The following PRDM5 variants were observed in gnomAD, a reference collection of about 807,000 sequenced individuals.
The protein encoded by PRDM5 is PR domain zinc finger protein 5.
A neutral mutation model predicts 81.2 loss-of-function variants in PRDM5; 56 were observed. The ratio of observed to expected loss-of-function variants is 0.69; its 90% CI spans 0.56 to 0.86. The LOEUF (loss-of-function observed/expected upper bound fraction) is 0.86, where lower values mean the gene tolerates loss of function less well. Among genes scored for constraint, PRDM5 ranks in the 40% least tolerant of loss-of-function variants. The probability of loss-of-function intolerance (pLI) is 0.00; values close to 1 mark genes in which losing one functional copy is unlikely to be tolerated. For synonymous variants in PRDM5, 267 were observed against 256.4 expected (o/e 1.04, Z -0.39); for missense variants, 697 against 770.1 (o/e 0.91, Z 1.12).
chr4:120,867,657 T>G (rs1761340113), intron 2 of PRDM5, among the ~76,000 whole-genome samples: 1 of 152,222 alleles, frequency 6.6e-6, no homozygotes, highest in African/African-American at 2.4e-5. Context: ...GCTCAAAAGG[T>G]ATTATGTAAC....
intron 2 of PRDM5, among the ~76,000 whole-genome samples, chr4:120,904,189 C>CAAAAAAA (rs1170050475): frequency 0.025 from 1,081 of 42,562 alleles, 385 homozygotes; most frequent in South Asian, 0.06. Context: ...GACTCCTTCT[C>CAAAAAAA]AAAAAAAAAA....
intron 7 of PRDM5, among the ~76,000 whole-genome samples, chr4:120,811,754 T>C (rs547544248): frequency 3.9e-5 from 6 of 152,244 alleles, no homozygotes; most frequent in African/African-American, 1.4e-4. Flanking sequence ...TTATTATGGG[T>C]ACATAATAGG....
chr4:120,838,916 T>C (rs1757674561), intron 3 of PRDM5: 1 of 399,782 alleles, frequency 2.5e-6, no homozygotes, highest in Non-Finnish European at 4.6e-6. Context: ...GTGTGGGGTC[T>C]GGCCAATGCA....
intron 13 of PRDM5, among the ~76,000 whole-genome samples, chr4:120,768,520 A>G (rs2149201551): frequency 6.6e-6 from 1 of 152,342 alleles, no homozygotes; most frequent in African/African-American, 2.4e-5. Flanking sequence ...ACTGATAAGC[A>G]AAGTACAGTG....
chr4:120,746,316 A>T (rs1274389257), intron 14 of PRDM5, among the ~76,000 whole-genome samples: 4,958 of 148,172 alleles, frequency 0.033, 240 homozygotes, highest in African/African-American at 0.11. Context: ...GTTAGACCTA[A>T]AACCATAAAA....
chr4:120,920,636 A>G (rs1339926468), intron 1 of PRDM5, among the ~76,000 whole-genome samples: 2 of 152,370 alleles, frequency 1.3e-5, no homozygotes, highest in East Asian at 3.9e-4. Flanking sequence ...CTTTAAGGTC[A>G]TTTCTGAGAT....
intron 2 of PRDM5, among the ~76,000 whole-genome samples, chr4:120,856,587 G>A (rs994297375): frequency 2.1e-5 from 3 of 140,928 alleles, no homozygotes; most frequent in East Asian, 2.0e-4. Context: ...CACAGAGTTC[G>A]CCTTGCTGAC....
At position 120,739,259 on chromosome 4, in the gene PRDM5, C is replaced by A. The variant is rs114560638; in HGVS notation, c.1623+15294G>T. Among the ~76,000 whole-genome samples the A allele has an allele frequency of 8.0e-3, 1,211 of 152,270 alleles. 17 individuals carry two copies. Among genetic ancestry groups the A allele is most frequent in the African/African-American group, 0.027 (1,141 of 41,556 alleles). On this transcript the variant is annotated intron_variant, in intron 14 of 15. Transcript: ENST00000264808. ...TCTATTATCCAAGCAAGTCATTGTG[C>A]CCAGCTTAGATTCAAGGAAAGGAAA...
intron 7 of PRDM5, chr4:120,812,963 T>C (rs1203146462): frequency 1.2e-5 from 2 of 161,752 alleles, no homozygotes; most frequent in Non-Finnish European, 2.7e-5. Flanking sequence ...CAGAATATTT[T>C]ATTTAATCAG....
intron 14 of PRDM5, among the ~76,000 whole-genome samples, chr4:120,747,851 G>A (rs990910148): frequency 4.6e-5 from 7 of 152,204 alleles, no homozygotes; most frequent in African/African-American, 1.7e-4. Context: ...ACCTGTATAA[G>A]TTAATTGGGT....
At chr4:120,895,104 T>C (rs900522286) in intron 2 of PRDM5, among the ~76,000 whole-genome samples, 4 of 152,216 alleles carry the variant, frequency 2.6e-5, no homozygotes, top group Non-Finnish European at 5.9e-5. Context: ...AAGTGTAATC[T>C]CTGAATCCTT....
chr4:120,763,419 G>GA (rs1745925695), intron 13 of PRDM5, among the ~76,000 whole-genome samples: 1 of 152,158 alleles, frequency 6.6e-6, no homozygotes. Flanking sequence ...CATTACATGT[G>GA]ACTTGTCTAA....
intron 13 of PRDM5, among the ~76,000 whole-genome samples, chr4:120,759,380 G>A (rs916388407): frequency 6.6e-5 from 10 of 152,162 alleles, no homozygotes; most frequent in Admixed American, 5.2e-4. Flanking sequence ...CTTGGTTGGA[G>A]GATGTTTAGG....
chr4:120,789,215 T>TA (rs1178583142), intron 10 of PRDM5, among the ~76,000 whole-genome samples: 1 of 152,148 alleles, frequency 6.6e-6, no homozygotes, highest in Non-Finnish European at 1.5e-5. Flanking sequence ...TTTGCAGATA[T>TA]AAAAAATACA....
At chr4:120,826,822 T>C (rs909714232) in intron 3 of PRDM5, among the ~76,000 whole-genome samples, 6 of 152,118 alleles carry the variant, frequency 3.9e-5, no homozygotes, top group Admixed American at 6.6e-5. Context: ...AGACTGTATA[T>C]GGAGTGTGAG....
In PRDM5 at chr4:120,775,493, C is replaced by A. The variant is rs1748019406; in HGVS notation, c.1537+1695G>T. Among the ~76,000 whole-genome samples, 2 of 152,092 alleles carry A rather than the reference C, an allele frequency of 1.3e-5. 1 individual carries two copies. The highest frequency in any genetic ancestry group is 4.1e-4 in the South Asian group (2 of 4,824). ...ATCAAGGGTTCTACTGGATTGGGTT[C>A]ATCTTTTCTGTGCTGGTAGCTATGT... On this transcript the variant is annotated intron_variant, in intron 13 of 15. Transcript: ENST00000264808.
downstream of PRDM5, among the ~76,000 whole-genome samples, chr4:120,687,730 C>T (rs1036380422): frequency 2.6e-5 from 4 of 152,132 alleles, no homozygotes; most frequent in African/African-American, 9.7e-5. Flanking sequence ...GTGATTAGGT[C>T]ATGAGCGCTC....
chr4:120,804,704 T>G (rs1752654361), intron 8 of PRDM5, among the ~76,000 whole-genome samples: 1 of 152,198 alleles, frequency 6.6e-6, no homozygotes, highest in Admixed American at 6.5e-5. Context: ...TAAAGTAGTG[T>G]GTAGAGGGAA....
rs1428875557 is a variant in PRDM5, at chr4:120,695,020, T to C, written c.*91A>G. Reference sequence around the variant, plus strand: ...GAACTATGAGACCAGTAAGTCACTTTTGGCTACTTCTGTTATGCTGATCAG... The same window carrying C: ...GAACTATGAGACCAGTAAGTCACTTCTGGCTACTTCTGTTATGCTGATCAG... On this transcript the variant is annotated 3_prime_UTR_variant, in exon 16 of 16. Transcript: ENST00000264808. The C allele has an allele frequency of 2.8e-6, 4 of 1,445,602 alleles. No homozygotes were observed. The East Asian group carries it at 6.8e-5, about 25-fold the overall frequency. 89.5% of individuals were successfully genotyped at this position (1,445,602 alleles called of 1,614,324 possible). A position where few individuals can be genotyped will look rare whatever the true frequency, so the allele number is the denominator to read the frequency against.
Sources: allele counts gnomAD v4.1 joint callset (sites outside exome capture counted in the v4.1 genomes callset), GRCh38; gene constraint gnomAD v4.1.1; transcripts MANE v1.5; gene names NCBI Gene and HGNC (gene_info 2026-07-23, HGNC 2026-07-21).